The following THOC1 variants were observed in gnomAD, a reference collection of about 807,000 sequenced individuals.
THOC1 encodes the protein THO complex subunit 1, also known as THO complex 1.
A neutral mutation model predicts 97.3 loss-of-function variants in THOC1; 29 were observed. That is an observed-to-expected ratio of 0.30 (90% CI 0.22 to 0.41). THOC1 has a LOEUF of 0.41. THOC1 is among the 10% of genes least tolerant of loss of function. THOC1 has a pLI of 1.00. For synonymous variants in THOC1, 255 were observed against 257.0 expected, an observed-to-expected ratio of 0.99 and a Z score of 0.07; for missense variants, 529 against 761.9, an observed-to-expected ratio of 0.69 and a Z score of 3.60.
chr18:244,685 T>C (rs1912028135), intron 11 of THOC1: 1 of 152,220 alleles, frequency 6.6e-6, no homozygotes, highest in South Asian at 2.1e-4. Context: ...TTTATCTTTC[T>C]TTATCCTGCT....
intron 3 of THOC1, among the ~76,000 whole-genome samples, chr18:264,773 C>G (rs1409108553): frequency 6.6e-6 from 1 of 152,194 alleles, no homozygotes; most frequent in Non-Finnish European, 1.5e-5. Flanking sequence ...CTTTGCTTGA[C>G]CAAGAATAAA....
In THOC1 at chr18:224,304, C is replaced by T. The variant is rs200480018; in HGVS notation, c.1209-125G>A. On this transcript the variant is annotated intron_variant, in intron 15 of 20. Coordinates refer to ENST00000261600, the MANE Select transcript of THOC1 (RefSeq NM_005131.3). Reference sequence around the variant, plus strand: ...TTAAAAAAGATGAAAACTGGCTGGGCATGGTGGCTCATGCCTGTAATCCCA... The same window carrying T: ...TTAAAAAAGATGAAAACTGGCTGGGTATGGTGGCTCATGCCTGTAATCCCA... The T allele has an allele frequency of 5.4e-4, 387 of 716,734 alleles. 2 individuals carry two copies. The East Asian group carries it at 1.0e-2, about 19-fold the overall frequency. The allele number at this position is 716,734 out of a possible 1,614,324, so 44.4% of individuals were successfully genotyped here. A position where few individuals can be genotyped will look rare whatever the true frequency, so the allele number is the denominator to read the frequency against.
At chr18:259,437 A>G (rs1912536503) in intron 6 of THOC1, among the ~76,000 whole-genome samples, 162 bp from the exon 7 acceptor site, 2 of 152,284 alleles carry the variant, frequency 1.3e-5, no homozygotes, top group Middle Eastern at 6.8e-3. Context: ...ACTATAAATT[A>G]GGAACAAAAC....
chr18:241,872 A>C (rs1911913910), intron 11 of THOC1, among the ~76,000 whole-genome samples: 1 of 152,200 alleles, frequency 6.6e-6, no homozygotes, highest in Non-Finnish European at 1.5e-5. Flanking sequence ...TCTGAGTATG[A>C]TCCTGGACTA....
At chr18:248,141 T>C (rs571019825) in intron 9 of THOC1, among the ~76,000 whole-genome samples, 184 bp from the exon 10 acceptor site, 42 of 152,000 alleles carry the variant, frequency 2.8e-4, no homozygotes, top group African/African-American at 7.3e-4. Flanking sequence ...TAGACCCCAA[T>C]AGACTCTTTA....
rs185749723 is a variant in THOC1, at chr18:237,421, T to G, written c.918+8903A>C. Among the ~76,000 whole-genome samples, 216 of 152,274 alleles carry G rather than the reference T, an allele frequency of 1.4e-3. 3 individuals carry two copies. Among genetic ancestry groups the G allele is most frequent in the African/African-American group, 5.1e-3 (211 of 41,552 alleles). ...ATCCACCCACCTTGACCTCTCAAAGTGCTGGGATTACGAGCGTGAGCCACC... is the reference window on the plus strand; with the variant it reads ...ATCCACCCACCTTGACCTCTCAAAGGGCTGGGATTACGAGCGTGAGCCACC... On this transcript the variant is annotated intron_variant, in intron 11 of 20. Coordinates refer to ENST00000261600, the MANE Select transcript of THOC1 (RefSeq NM_005131.3).
chr18:263,229 C>T (rs1336849507), intron 4 of THOC1, among the ~76,000 whole-genome samples: 2 of 152,108 alleles, frequency 1.3e-5, no homozygotes, highest in East Asian at 1.9e-4. Flanking sequence ...TACAGGCGCC[C>T]GACACCGCGC....
intron 11 of THOC1, among the ~76,000 whole-genome samples, chr18:228,546 C>T (rs1447464494): frequency 1.3e-5 from 2 of 151,822 alleles, no homozygotes; most frequent in Non-Finnish European, 2.9e-5. Flanking sequence ...ACCAAAATCA[C>T]CAAAAACAAC....
At chr18:227,343 CTG>C (rs1389961494) in intron 11 of THOC1, among the ~76,000 whole-genome samples, 2 of 151,930 alleles carry the variant, frequency 1.3e-5, no homozygotes, top group Non-Finnish European at 2.9e-5. Flanking sequence ...TAAAGTAAAA[CTG>C]AGGCTACTAC....
At chr18:233,858 G>T (rs1911580010) in intron 11 of THOC1, among the ~76,000 whole-genome samples, 1 of 151,988 alleles carries the variant, frequency 6.6e-6, no homozygotes, top group Admixed American at 6.6e-5. Flanking sequence ...GAGTTCCCAT[G>T]AAAAAACCCA....
At chr18:257,207 G>C (rs1912463777) in intron 7 of THOC1, among the ~76,000 whole-genome samples, 1 of 152,072 alleles carries the variant, frequency 6.6e-6, no homozygotes, top group Non-Finnish European at 1.5e-5. Context: ...TCTGTAAACA[G>C]AATTCTATAT....
chr18:249,156 A>T (rs1372241289), intron 9 of THOC1, among the ~76,000 whole-genome samples: 1 of 152,210 alleles, frequency 6.6e-6, no homozygotes, highest in Non-Finnish European at 1.5e-5. Flanking sequence ...AAAAATCTAA[A>T]TCTAGTTCTT....
At chr18:243,275 GA>G (rs1317415277) in intron 11 of THOC1, among the ~76,000 whole-genome samples, 6 of 152,164 alleles carry the variant, frequency 3.9e-5, no homozygotes, top group African/African-American at 1.4e-4. Flanking sequence ...CAAAGAATCA[GA>G]AAAGGAGAGA....
Position 225,125 on chromosome 18 carries a change from GT to G in THOC1, c.1100del (p.Asn367ThrfsTer12). ...TKSVYQLLSE[N>X]PPDGERFSKM... is the part of the protein sequence containing the mutation. Reference sequence around the variant, plus strand: ...TTGAAAATCTTTCTCCATCGGGGGGGTTTTCAGATAGTAGCTGTGATTAGAA... The same window carrying G: ...TTGAAAATCTTTCTCCATCGGGGGGGTTTCAGATAGTAGCTGTGATTAGAA... On this transcript the variant is annotated frameshift_variant, in exon 14 of 21. Transcript: ENST00000261600. LOFTEE classifies it high-confidence loss of function. 1.9e-6 allele frequency: 3 copies of G among 1,576,290 alleles called. No homozygotes were observed. The highest frequency in any genetic ancestry group is 2.3e-5 in the East Asian group (1 of 43,886).
At chr18:247,616 A>C (rs1415094280) in intron 10 of THOC1, among the ~76,000 whole-genome samples, 2 of 152,244 alleles carry the variant, frequency 1.3e-5, no homozygotes, top group African/African-American at 4.8e-5. Flanking sequence ...CACTCATTAT[A>C]TTCAAAAAAA....
chr18:214,611 G>GAAA lies in THOC1; in HGVS notation c.*12_*14dup. Reference sequence around the variant, plus strand: ...AAATCTATCACAGTTTTAATAAAAAGAAAAAAAAAAGAAGCTAACTATTTG... The same window carrying GAAA: ...AAATCTATCACAGTTTTAATAAAAAGAAAAAAAAAAAAAGAAGCTAACTATTTG... On this transcript the variant is annotated 3_prime_UTR_variant, in exon 21 of 21. Transcript: ENST00000261600. 7.0e-7 allele frequency: 1 copy of GAAA among 1,422,542 alleles called. No homozygotes were observed. The highest frequency in any genetic ancestry group is 9.6e-7 in the Non-Finnish European group (1 of 1,046,756). The allele number at this position is 1,422,542 out of a possible 1,614,324, so 88.1% of individuals were successfully genotyped here.
chr18:267,987 G>C lies in THOC1; in HGVS notation c.33C>G (p.Pro11=), dbSNP rs781177837. 1.3e-5 allele frequency: 21 copies of C among 1,611,462 alleles called. No individual in the cohort carries two copies. Among genetic ancestry groups the C allele is most frequent in the Admixed American group, 8.4e-5 (5 of 59,872 alleles). MSPTPPLFSL[P]EARTRFTKST... ...TCACCGTAAACCGCGTCCGCGCTTC[G>C]GGCAAACTGAAGAGCGGCGGCGTCG... The change falls in exon 1 of 21, where the codon CCC becomes CCG. Residue 11 remains proline (P), a synonymous_variant. Transcript: ENST00000261600.
At chr18:261,743 A>G (rs909708597) in intron 4 of THOC1, among the ~76,000 whole-genome samples, 1 of 152,240 alleles carries the variant, frequency 6.6e-6, no homozygotes, top group African/African-American at 2.4e-5. Flanking sequence ...CCTTAGTTGC[A>G]GTATAGCCTG....
chr18:230,216 C>T (rs1911437840), intron 11 of THOC1, among the ~76,000 whole-genome samples: 1 of 151,570 alleles, frequency 6.6e-6, no homozygotes, highest in Non-Finnish European at 1.5e-5. Flanking sequence ...CTGGAGAAAG[C>T]AGCATCTAAA....
Sources: allele counts gnomAD v4.1 joint callset (sites outside exome capture counted in the v4.1 genomes callset), GRCh38; gene constraint gnomAD v4.1.1; transcripts MANE v1.5; gene names NCBI Gene and HGNC (gene_info 2026-07-23, HGNC 2026-07-21).